The following KAZN variants were observed in gnomAD, a reference collection of about 807,000 sequenced individuals.
KAZN encodes the protein kazrin.
Under a neutral mutation model 87.4 loss-of-function variants are expected in KAZN, and 40 were observed. The ratio of observed to expected loss-of-function variants is 0.46; its 90% CI spans 0.36 to 0.60. KAZN has a LOEUF of 0.60. Among genes scored for constraint, KAZN ranks in the 20% least tolerant of loss-of-function variants. The pLI is 0.00. For missense variants in KAZN, 898 were observed against 1,073.9 expected (o/e 0.84, Z 2.29); for synonymous variants, 466 against 458.3 (o/e 1.02, Z -0.22).
At chr1:14,345,896 G>A (rs1026102436) in intron 2 of KAZN, among the ~76,000 whole-genome samples, 12 of 152,150 alleles carry the variant, frequency 7.9e-5, no homozygotes, top group Admixed American at 7.9e-4. Context: ...TGAGTGAAAA[G>A]AGCAAAAAGA....
intron 2 of KAZN, among the ~76,000 whole-genome samples, chr1:14,977,423 A>G (rs10927611): frequency 0.19 from 28,464 of 152,168 alleles, 2,980 homozygotes; most frequent in African/African-American, 0.26. Context: ...CGGAAGGTCA[A>G]CGTGCCCCGA....
chr1:14,567,684 C>T (rs191484984), intron 2 of KAZN, among the ~76,000 whole-genome samples: 118 of 152,306 alleles, frequency 7.7e-4, no homozygotes, highest in Non-Finnish European at 1.5e-4. Context: ...ATCAAATGCT[C>T]ATATTCAAAA....
intron 1 of KAZN, among the ~76,000 whole-genome samples, chr1:14,840,999 T>C (rs1647904325): frequency 6.6e-6 from 1 of 152,172 alleles, no homozygotes; most frequent in Non-Finnish European, 1.5e-5. Context: ...TCTGATAGTG[T>C]AAGCATGCAC....
At chr1:14,653,175 T>G (rs1638562547) in intron 1 of KAZN, among the ~76,000 whole-genome samples, 1 of 152,234 alleles carries the variant, frequency 6.6e-6, no homozygotes, top group Non-Finnish European at 1.5e-5. Flanking sequence ...TTCATGGATC[T>G]GTGAAAAAAT....
At chr1:14,201,583 G>A (rs1646640928) in intron 2 of KAZN, among the ~76,000 whole-genome samples, 1 of 152,196 alleles carries the variant, frequency 6.6e-6, no homozygotes, top group African/African-American at 2.4e-5. Flanking sequence ...CAAAGCCCCA[G>A]CATCAGTGCA....
intron 2 of KAZN, among the ~76,000 whole-genome samples, chr1:14,231,637 G>A (rs1647858090): frequency 6.6e-6 from 1 of 152,112 alleles, no homozygotes; most frequent in African/African-American, 2.4e-5. Flanking sequence ...ATTTAAACTT[G>A]AGGAATTCCT....
intron 2 of KAZN, among the ~76,000 whole-genome samples, chr1:14,497,624 T>C (rs1670018431): frequency 6.6e-6 from 1 of 152,144 alleles, no homozygotes; most frequent in Non-Finnish European, 1.5e-5. Flanking sequence ...TAATAGGACA[T>C]TTAATACTGC....
chr1:14,161,390 G>A (rs1206798891), intron 1 of KAZN, among the ~76,000 whole-genome samples: 1 of 152,196 alleles, frequency 6.6e-6, no homozygotes, highest in Non-Finnish European at 1.5e-5. Context: ...GACTGCAACC[G>A]AAGGTTCTCC....
At chr1:14,103,990 A>G (rs1557478394) in intron 1 of KAZN, among the ~76,000 whole-genome samples, 2 of 152,270 alleles carry the variant, frequency 1.3e-5, no homozygotes, top group East Asian at 3.9e-4. Flanking sequence ...GCAAAAATCG[A>G]CATTATAATG....
chr1:14,291,061 C>G (rs1044541208), intron 2 of KAZN, among the ~76,000 whole-genome samples: 1 of 152,182 alleles, frequency 6.6e-6, no homozygotes, highest in South Asian at 2.1e-4. Context: ...GAAGCTTCAT[C>G]CCACAGGAGC....
chr1:13,943,607 G>C (rs530007700), intron 1 of KAZN, among the ~76,000 whole-genome samples: 1 of 152,064 alleles, frequency 6.6e-6, no homozygotes, highest in Non-Finnish European at 1.5e-5. Flanking sequence ...GGAGTTTTCA[G>C]GTAGAAGAAA....
Position 14,724,636 on chromosome 1 carries a change from T to C in KAZN, c.226+125413T>C, listed in dbSNP as rs1320411743. Among the ~76,000 whole-genome samples, 3 of 152,384 alleles carry C rather than the reference T, an allele frequency of 2.0e-5. No homozygotes were observed. The East Asian group carries it at 5.8e-4, about 29-fold the overall frequency. On this transcript the variant is annotated intron_variant, in intron 1 of 14. Transcript: ENST00000376030. ...GCCACCAATTTATTGCCTGAGCTGT[T>C]ATTCCTACTTGGTGTTCCCATTTTT... is the stretch of plus-strand genomic sequence containing the variant.
At chr1:14,807,667 G>A (rs1200182670) in intron 1 of KAZN, among the ~76,000 whole-genome samples, 1 of 152,102 alleles carries the variant, frequency 6.6e-6, no homozygotes, top group Non-Finnish European at 1.5e-5. Flanking sequence ...TACTCAGGAG[G>A]CTGAGATAGT....
In KAZN at chr1:14,598,845, G is replaced by A. The variant is rs1182569611; in HGVS notation, c.-153G>A. 8 of 1,409,954 alleles carry A rather than the reference G, an allele frequency of 5.7e-6. No homozygotes were observed. The highest frequency in any genetic ancestry group is 3.3e-5 in the South Asian group (2 of 59,922). 87.3% of individuals were successfully genotyped at this position (1,409,954 alleles called of 1,614,324 possible). On this transcript the variant is annotated 5_prime_UTR_variant, in exon 1 of 15. Coordinates refer to ENST00000376030, the MANE Select transcript of KAZN (RefSeq NM_201628.3). This position sits in a 1 kb window ranked among gnomAD's most constrained non-coding sequence, Gnocchi z 4.2. ...CGCCGCTGTCATTCCTGTGCCGGAGGAACCGGCGCTGCCGGTGCCTGGGGG... is the reference window on the plus strand; with the variant it reads ...CGCCGCTGTCATTCCTGTGCCGGAGAAACCGGCGCTGCCGGTGCCTGGGGG...
At chr1:14,595,968 C>T (rs1291522964), upstream of KAZN, among the ~76,000 whole-genome samples, 2 of 152,226 alleles carry the variant, frequency 1.3e-5, no homozygotes, top group East Asian at 3.9e-4. Context: ...TGAGAAGGGG[C>T]TCAAGGAATG....
chr1:14,666,252 G>T (rs375565379), intron 1 of KAZN, among the ~76,000 whole-genome samples: 1 of 151,978 alleles, frequency 6.6e-6, no homozygotes, highest in East Asian at 1.9e-4. Flanking sequence ...AAAGCATTAT[G>T]GTCTTGTTGG....
chr1:14,382,954 A>G (rs10927418), intron 2 of KAZN, among the ~76,000 whole-genome samples: 46,230 of 150,270 alleles, frequency 0.31, 8,224 homozygotes, highest in African/African-American at 0.49. Context: ...AAGTGTTCCT[A>G]TTTCTCCACA....
intron 1 of KAZN, among the ~76,000 whole-genome samples, chr1:14,023,888 C>T (rs1336636590): frequency 1.3e-5 from 2 of 152,142 alleles, no homozygotes; most frequent in Admixed American, 6.5e-5. Context: ...GAAATCAAGA[C>T]AGAAACCAAT....
chr1:14,930,120 G>A (rs1659640836), intron 1 of KAZN: 1 of 978,488 alleles, frequency 1.0e-6, no homozygotes, highest in Non-Finnish European at 1.2e-6. Context: ...GGGAGCTGGT[G>A]GGCTCTGGGT....
Sources: gnomAD v4.1 joint callset for allele counts (sites outside exome capture counted in the v4.1 genomes callset) on GRCh38, gnomAD v4.1.1 for gene constraint, Gnocchi (gnomAD v3.1) non-coding constraint, MANE v1.5 for transcripts, NCBI Gene and HGNC (gene_info 2026-07-23, HGNC 2026-07-21) for gene names.